KRTAP10-7: variants seen among roughly 807,000 people sequenced by gnomAD.
The protein encoded by KRTAP10-7 is keratin associated protein 10-7.
For missense variants in KRTAP10-7, 394 were observed against 474.3 expected, an observed-to-expected ratio of 0.83 and a Z score of 1.57; for synonymous variants, 162 against 199.6, an observed-to-expected ratio of 0.81 and a Z score of 1.59.
chr21:44,600,757 T>C lies in KRTAP10-7; in HGVS notation c.136T>C (p.Cys46Arg), dbSNP rs1400267805. Reference sequence around the variant, plus strand: ...CCCAGAGAGCTGCTGCGAGCCCCCCTGCTGCGCCCCGGCCCCCTGCCTGAG... The same window carrying C: ...CCCAGAGAGCTGCTGCGAGCCCCCCCGCTGCGCCCCGGCCCCCTGCCTGAG... The part of the protein sequence containing the change: ...DCPESCCEPP[C>R]CAPAPCLSLV... Residue 46 changes from cysteine (C) to arginine (R), a missense_variant, in exon 1 of 1, where the codon TGC becomes CGC. Physicochemically the swap from Cys to Arg is radical, Grantham distance 180 (BLOSUM62 -3). Transcript: ENST00000609664. 5.0e-6 allele frequency: 8 copies of C among 1,604,798 alleles called. 1 individual carries two copies. The highest frequency in any genetic ancestry group is 3.5e-4 in the Middle Eastern group (2 of 5,654).
chr21:44,601,270 G>C lies in KRTAP10-7; in HGVS notation c.649G>C (p.Ala217Pro). The C allele has an allele frequency of 6.2e-7, 1 of 1,608,708 alleles. No individual in the cohort carries two copies. Among genetic ancestry groups the C allele is most frequent in the Non-Finnish European group, 8.5e-7 (1 of 1,178,516 alleles). ...CTGCCAGCAGTCTAGCTGCAAGCCG[G>C]CTTGCTGCACCTCCTCCCCTTGCCA... is the stretch of plus-strand genomic sequence containing the variant. ...SCCQQSSCKP[A>P]CCTSSPCQQA... Residue 217 changes from alanine to proline, a missense_variant, in exon 1 of 1, where the codon GCT becomes CCT. Transcript: ENST00000609664.
rs1980901646 is a variant in KRTAP10-7 at position 44,601,502 on chromosome 21, A to G, written c.881A>G (p.Gln294Arg). 8.1e-6 allele frequency: 13 copies of G among 1,612,574 alleles called. No individual in the cohort carries two copies. The East Asian group carries it at 2.9e-4, about 36-fold the overall frequency. ...TCATGCTGCCAGCAGTCTAGCTGCC[A>G]GCCGGCTTGCTGCACCACCTCCTGC... ...STSCCQQSSC[Q>R]PACCTTSCCR... is the part of the protein sequence containing the mutation. Residue 294 changes from glutamine (Q) to arginine (R), a missense_variant, in exon 1 of 1, where the codon CAG (glutamine) becomes CGG (arginine). Physicochemically the swap from Gln to Arg is conservative, Grantham distance 43. Coordinates refer to ENST00000609664, the MANE Select transcript of KRTAP10-7 (RefSeq NM_198689.3).
rs782524076 is a variant in KRTAP10-7, at chr21:44,601,467, G to A, written c.846G>A (p.Gly282=). ...TGTGCTGTGTGCCCGTCTGCTCTGG[G>A]GCTTCCACTTCATGCTGCCAGCAGT... The part of the protein sequence containing the change: ...KPVCCVPVCS[G]ASTSCCQQSS... Residue 282 remains glycine (G), a synonymous_variant, in exon 1 of 1, where the codon GGG becomes GGA. Coordinates refer to ENST00000609664, the MANE Select transcript of KRTAP10-7 (RefSeq NM_198689.3). 6.2e-7 allele frequency: 1 copy of A among 1,609,994 alleles called. No homozygotes were observed. Among genetic ancestry groups the A allele is most frequent in the Non-Finnish European group, 8.5e-7 (1 of 1,178,606 alleles).
At position 44,601,751 on chromosome 21, in the gene KRTAP10-7, C is replaced by A. The variant is rs782301021; in HGVS notation, c.*17C>A. ...AGCTGCTGAGTGATCTCCTTAAGAT[C>A]ATCCAAAGCCTGAGTGCTCACTGCC... On this transcript the variant is annotated 3_prime_UTR_variant, in exon 1 of 1. Transcript: ENST00000609664. 1.3e-6 allele frequency: 2 copies of A among 1,596,094 alleles called. No homozygotes were observed. Among genetic ancestry groups the A allele is most frequent in the Non-Finnish European group, 1.7e-6 (2 of 1,168,964 alleles).
In KRTAP10-7 at chr21:44,601,592, C is replaced by G. The variant is rs1335636184; in HGVS notation, c.971C>G (p.Pro324Arg). The G allele has an allele frequency of 3.7e-6, 6 of 1,613,486 alleles. No individual in the cohort carries two copies. Among genetic ancestry groups the G allele is most frequent in the Non-Finnish European group, 4.2e-6 (5 of 1,179,770 alleles). The change falls in exon 1 of 1, where the codon CCC becomes CGC. Residue 324 changes from proline to arginine, a missense_variant. Transcript: ENST00000609664. ...RPVCRPACCVPVPSCCAPTSS... is the reference protein window; with the variant it reads ...RPVCRPACCVRVPSCCAPTSS... Reference sequence around the variant, plus strand: ...GTGTGCAGGCCCGCCTGCTGCGTGCCCGTCCCCTCCTGCTGCGCCCCCACC... The same window carrying G: ...GTGTGCAGGCCCGCCTGCTGCGTGCGCGTCCCCTCCTGCTGCGCCCCCACC...
At position 44,601,288 on chromosome 21, in the gene KRTAP10-7, C is replaced by T. The variant is rs672479; in HGVS notation, c.667C>T (p.Pro223Ser). Residue 223 changes from proline to serine, a missense_variant, in exon 1 of 1, where the codon CCT (proline) becomes TCT (serine). Physicochemically the swap from Pro to Ser is moderately conservative, Grantham distance 74. Transcript: ENST00000609664. ...SCKPACCTSS[P>S]CQQACCVPVC... ...CAAGCCGGCTTGCTGCACCTCCTCC[C>T]CTTGCCAGCAGGCCTGCTGTGTGCC... 5 of 1,608,456 alleles carry T rather than the reference C, an allele frequency of 3.1e-6. No homozygotes were observed. Among genetic ancestry groups the T allele is most frequent in the Admixed American group, 1.7e-5 (1 of 59,566 alleles).
chr21:44,601,325 A>T lies in KRTAP10-7; in HGVS notation c.704A>T (p.Lys235Met). 1 of 1,610,702 alleles carries T rather than the reference A, an allele frequency of 6.2e-7. No individual in the cohort carries two copies. Among genetic ancestry groups the T allele is most frequent in the Non-Finnish European group, 8.5e-7 (1 of 1,178,592 alleles). Reference protein sequence around the residue: ...QQACCVPVCCKPVCCVPTCSD... With the variant: ...QQACCVPVCCMPVCCVPTCSD... Reference sequence around the variant, plus strand: ...GCCTGCTGTGTGCCTGTCTGCTGCAAGCCCGTCTGCTGTGTGCCCACCTGC... The same window carrying T: ...GCCTGCTGTGTGCCTGTCTGCTGCATGCCCGTCTGCTGTGTGCCCACCTGC... The change falls in exon 1 of 1, where the codon AAG becomes ATG. Residue 235 changes from lysine to methionine, a missense_variant. Coordinates refer to ENST00000609664, the MANE Select transcript of KRTAP10-7 (RefSeq NM_198689.3).
rs1555928951 is a variant in KRTAP10-7, at chr21:44,601,907, C to T, written c.*173C>T. ...CCTAGAAGCAGCTCAGCTGTTTCTC[C>T]AAGTCTTGACTTTCCCCCAATTACC... On this transcript the variant is annotated 3_prime_UTR_variant, in exon 1 of 1. Coordinates refer to ENST00000609664, the MANE Select transcript of KRTAP10-7 (RefSeq NM_198689.3). 3.1e-6 allele frequency: 3 copies of T among 952,380 alleles called. No homozygotes were observed. The highest frequency in any genetic ancestry group is 3.3e-5 in the African/African-American group (2 of 60,278). The allele number at this position is 952,380 out of a possible 1,614,324, so 59.0% of individuals were successfully genotyped here.
Position 44,601,201 on chromosome 21 carries a change from A to T in KRTAP10-7, c.580A>T (p.Ser194Cys), listed in dbSNP as rs371136422. 6.2e-7 allele frequency: 1 copy of T among 1,600,702 alleles called. No individual in the cohort carries two copies. The highest frequency in any genetic ancestry group is 1.1e-5 in the South Asian group (1 of 90,140). Residue 194 changes from serine to cysteine, a missense_variant, in exon 1 of 1, where the codon AGC becomes TGC. Coordinates refer to ENST00000609664, the MANE Select transcript of KRTAP10-7 (RefSeq NM_198689.3). ...SPCCQAVCEP[S>C]PCQSGCISSC... ...CTGCTGCCAGGCGGTCTGTGAGCCC[A>T]GCCCCTGCCAATCAGGCTGCATCAG...
In KRTAP10-7 at chr21:44,601,930, A is replaced by C; in HGVS notation, c.*196A>C. 7.7e-6 allele frequency: 6 copies of C among 782,380 alleles called. No individual in the cohort carries two copies. The highest frequency in any genetic ancestry group is 2.7e-5 in the East Asian group (1 of 36,586). The allele number at this position is 782,380 out of a possible 1,614,324, so 48.5% of individuals were successfully genotyped here. On this transcript the variant is annotated 3_prime_UTR_variant, in exon 1 of 1. Transcript: ENST00000609664. ...TCCAAGTCTTGACTTTCCCCCAATT[A>C]CCCAGCCCTGCTTCCCCAGCAACAG... is the stretch of plus-strand genomic sequence containing the variant.
In KRTAP10-7 at chr21:44,601,002, T is replaced by C. The variant is rs365668; in HGVS notation, c.381T>C (p.Pro127=). The C allele has an allele frequency of 3.2e-4, 521 of 1,605,942 alleles. 18 individuals are homozygous for C. In the African/African-American group the frequency reaches 5.5e-3, roughly 17 times the overall value. Residue 127 remains proline, a synonymous_variant, in exon 1 of 1, where the codon CCT becomes CCC. Transcript: ENST00000609664. Reference sequence around the variant, plus strand: ...GCTGCAAGCCTGTGTACTGTGTGCCTGTCTGCAGTGGGGATTCTTCATGCT... The same window carrying C: ...GCTGCAAGCCTGTGTACTGTGTGCCCGTCTGCAGTGGGGATTCTTCATGCT... The part of the protein sequence containing the change: ...TVCCKPVYCV[P]VCSGDSSCCQ...
rs587666333 is a variant in KRTAP10-7, at chr21:44,602,104, C to G, written c.*370C>G. 661 of 372,948 alleles carry G rather than the reference C, an allele frequency of 1.8e-3. 6 individuals carry two copies. The highest frequency in any genetic ancestry group is 3.6e-3 in the Admixed American group (84 of 23,312). 23.1% of individuals were successfully genotyped at this position (372,948 alleles called of 1,614,324 possible). ...GCTCCTCCCCTGCTGTGGGCCTGGG[C>G]CTCTTTCTCTGTCTTCCCTGACCAC... is the stretch of plus-strand genomic sequence containing the variant. On this transcript the variant is annotated 3_prime_UTR_variant, in exon 1 of 1. Coordinates refer to ENST00000609664, the MANE Select transcript of KRTAP10-7 (RefSeq NM_198689.3).
At position 44,601,216 on chromosome 21, in the gene KRTAP10-7, G is replaced by A. The variant is rs1555928656; in HGVS notation, c.595G>A (p.Gly199Ser). The change falls in exon 1 of 1, where the codon GGC becomes AGC. Residue 199 changes from glycine to serine, a missense_variant. Coordinates refer to ENST00000609664, the MANE Select transcript of KRTAP10-7 (RefSeq NM_198689.3). ...AVCEPSPCQS[G>S]CISSCTPSCC... The stretch of plus-strand genomic sequence containing the variant: ...CTGTGAGCCCAGCCCCTGCCAATCA[G>A]GCTGCATCAGCTCCTGCACGCCCTC... 6.2e-7 allele frequency: 1 copy of A among 1,605,430 alleles called. No homozygotes were observed. Among genetic ancestry groups the A allele is most frequent in the Non-Finnish European group, 8.5e-7 (1 of 1,178,050 alleles).
rs781850911 is a variant in KRTAP10-7, at chr21:44,600,675, C to T, written c.54C>T (p.Arg18=). The part of the protein sequence containing the change: ...VCSSDLSYGS[R]VCLPGSCDSC... ...CCAGCGACCTGAGCTACGGCAGCCG[C>T]GTCTGCCTTCCTGGTTCCTGTGACT... The change falls in exon 1 of 1, where the codon CGC becomes CGT. Residue 18 remains arginine, a synonymous_variant. Transcript: ENST00000609664. 135 of 1,613,656 alleles carry T rather than the reference C, an allele frequency of 8.4e-5. No individual in the cohort carries two copies. Among genetic ancestry groups the T allele is most frequent in the Non-Finnish European group, 1.1e-4 (129 of 1,179,934 alleles).
Position 44,601,505 on chromosome 21 carries a change from C to T in KRTAP10-7, c.884C>T (p.Pro295Leu), listed in dbSNP as rs782308706. 6.6e-5 allele frequency: 107 copies of T among 1,612,666 alleles called. No individual in the cohort carries two copies. Among genetic ancestry groups the T allele is most frequent in the Middle Eastern group, 1.6e-4 (1 of 6,074 alleles). Residue 295 changes from proline to leucine, a missense_variant, in exon 1 of 1, where the codon CCG becomes CTG. Physicochemically the swap from Pro to Leu is moderately conservative, Grantham distance 98. Coordinates refer to ENST00000609664, the MANE Select transcript of KRTAP10-7 (RefSeq NM_198689.3). ...TGCTGCCAGCAGTCTAGCTGCCAGC[C>T]GGCTTGCTGCACCACCTCCTGCTGC... ...TSCCQQSSCQ[P>L]ACCTTSCCRP...
chr21:44,601,891 A>T lies in KRTAP10-7; in HGVS notation c.*157A>T, dbSNP rs1980958626. The T allele has an allele frequency of 3.8e-6, 4 of 1,042,532 alleles. No individual in the cohort carries two copies. The highest frequency in any genetic ancestry group is 2.9e-5 in the Admixed American group (1 of 34,464). The allele number at this position is 1,042,532 out of a possible 1,614,324, so 64.6% of individuals were successfully genotyped here. ...AGTGTGCGCTTCTCCTCCTAGAAGC[A>T]GCTCAGCTGTTTCTCCAAGTCTTGA... is the stretch of plus-strand genomic sequence containing the variant. On this transcript the variant is annotated 3_prime_UTR_variant, in exon 1 of 1. Coordinates refer to ENST00000609664, the MANE Select transcript of KRTAP10-7 (RefSeq NM_198689.3).
Position 44,601,303 on chromosome 21 carries a change from T to C in KRTAP10-7, c.682T>C (p.Cys228Arg), listed in dbSNP as rs1555928694. 1 of 1,611,734 alleles carries C rather than the reference T, an allele frequency of 6.2e-7. No individual in the cohort carries two copies. The highest frequency in any genetic ancestry group is 8.5e-7 in the Non-Finnish European group (1 of 1,178,908). ...CACCTCCTCCCCTTGCCAGCAGGCC[T>C]GCTGTGTGCCTGTCTGCTGCAAGCC... ...CCTSSPCQQA[C>R]CVPVCCKPVC... Residue 228 changes from cysteine (C) to arginine (R), a missense_variant, in exon 1 of 1, where the codon TGC becomes CGC. Coordinates refer to ENST00000609664, the MANE Select transcript of KRTAP10-7 (RefSeq NM_198689.3).
In KRTAP10-7 at chr21:44,601,359, T is replaced by C. The variant is rs782078997; in HGVS notation, c.738T>C (p.Asp246=). ...GCTGTGTGCCCACCTGCTCTGATGA[T>C]TCCGGTTCATGCTGCCAGCCAGCTT... ...PVCCVPTCSD[D]SGSCCQPACC... is the part of the protein sequence containing the mutation. Residue 246 remains aspartate (D), a synonymous_variant, in exon 1 of 1, where the codon GAT becomes GAC. Coordinates refer to ENST00000609664, the MANE Select transcript of KRTAP10-7 (RefSeq NM_198689.3). 11 of 1,608,604 alleles carry C rather than the reference T, an allele frequency of 6.8e-6. No homozygotes were observed. In the East Asian group the frequency reaches 2.5e-4, roughly 36 times the overall value.
In KRTAP10-7 at chr21:44,601,775, C is replaced by T; in HGVS notation, c.*41C>T. 6.3e-7 allele frequency: 1 copy of T among 1,577,460 alleles called. No homozygotes were observed. The highest frequency in any genetic ancestry group is 1.2e-5 in the South Asian group (1 of 84,446). On this transcript the variant is annotated 3_prime_UTR_variant, in exon 1 of 1. Coordinates refer to ENST00000609664, the MANE Select transcript of KRTAP10-7 (RefSeq NM_198689.3). Reference sequence around the variant, plus strand: ...TCATCCAAAGCCTGAGTGCTCACTGCCACCTGCACCCCTGGATTCTTTACC... The same window carrying T: ...TCATCCAAAGCCTGAGTGCTCACTGTCACCTGCACCCCTGGATTCTTTACC...
Sources: allele counts gnomAD v4.1 joint callset, GRCh38; gene constraint gnomAD v4.1.1; transcripts MANE v1.5; gene names NCBI Gene and HGNC (gene_info 2026-07-23, HGNC 2026-07-21).